KEL: variants seen among roughly 807,000 people sequenced by gnomAD.
The protein encoded by KEL is Kell metallo-endopeptidase (Kell blood group), also known as kell blood group glycoprotein.
A neutral mutation model predicts 99.5 loss-of-function variants in KEL; 96 were observed. The observed-to-expected ratio is 0.97, with a 90% CI of 0.82 to 1.14. KEL has a LOEUF of 1.14. Ranked by LOEUF, KEL falls within the 50% of genes most tolerant of loss-of-function variation. The pLI is 0.00. For synonymous variants in KEL, 355 were observed against 354.8 expected, an observed-to-expected ratio of 1.00 and a Z score of -0.01; for missense variants, 926 against 924.2, an observed-to-expected ratio of 1.00 and a Z score of -0.03.
chr7:142,942,427 T>C lies in KEL; in HGVS notation c.2037+7A>G. ...GCAAGCTGTGGCGGGAGGTGGCCGC[T>C]GCCTACCTGGGCATAGCTTCGAAAG... On this transcript the variant is annotated splice_region_variant and intron_variant, in intron 18 of 18. Coordinates refer to ENST00000355265, the MANE Select transcript of KEL (RefSeq NM_000420.3). 6.4e-7 allele frequency: 1 copy of C among 1,570,708 alleles called. No individual in the cohort carries two copies. Among genetic ancestry groups the C allele is most frequent in the South Asian group, 1.2e-5 (1 of 86,478 alleles).
intron 4 of KEL, 139 bp from the exon 5 acceptor site, chr7:142,958,567 G>T: frequency 1.3e-6 from 1 of 788,414 alleles, no homozygotes; most frequent in Non-Finnish European, 2.1e-6. Context: ...CATGTAACAT[G>T]ATTTACTTTC....
rs1796418734 is a variant in KEL, at chr7:142,943,319, G to A, written c.1728C>T (p.Gly576=). The A allele has an allele frequency of 1.2e-6, 2 of 1,614,102 alleles. No individual in the cohort carries two copies. Among genetic ancestry groups the A allele is most frequent in the Non-Finnish European group, 1.7e-6 (2 of 1,179,990 alleles). The change falls in exon 16 of 19, where the codon GGC becomes GGT. Residue 576 remains glycine (G), a synonymous_variant. Coordinates refer to ENST00000355265, the MANE Select transcript of KEL (RefSeq NM_000420.3). ...GCAACAGCTCGTGGGCCATGATGCT[G>A]CCAGCAGCGCCAAAGTTCACGGCTC... The part of the protein sequence containing the change: ...YPRAVNFGAA[G]SIMAHELLHI...
In KEL at chr7:142,943,876, A is replaced by C. The variant is rs1257285842; in HGVS notation, c.1499T>G (p.Leu500Arg). Residue 500 changes from leucine (L) to arginine (R), a missense_variant, in exon 14 of 19, where the codon CTT becomes CGT. By Grantham distance (102) the Leu-to-Arg change is moderately radical. Transcript: ENST00000355265. ...LARQEYNDIQ[L>R]GSSFLQSVLS... ...GACAGACTGCAGGAAGCTCGATCCA[A>C]GCTGTATCTGGGGAAGAGGCAGGAG... The C allele has an allele frequency of 2.5e-6, 4 of 1,614,024 alleles. No homozygotes were observed. Among genetic ancestry groups the C allele is most frequent in the Non-Finnish European group, 3.4e-6 (4 of 1,179,946 alleles).
chr7:142,961,805 C>T lies in KEL; in HGVS notation c.71G>A (p.Trp24Ter), dbSNP rs753369164. Reference protein sequence around the residue: ...RSQAGGMGTLWSQESTPEERL... With the variant: ...RSQAGGMGTL ...GAGGAGGCCACTTACCTCTTGGCTC[C>T]AGAGAGTTCCCATTCCACCTGCCTG... The change falls in exon 2 of 19, where the codon TGG becomes TAG. Residue 24 changes from tryptophan to a stop codon, truncating the protein, a stop_gained. Coordinates refer to ENST00000355265, the MANE Select transcript of KEL (RefSeq NM_000420.3). LOFTEE classifies it high-confidence loss of function. 6.2e-6 allele frequency: 10 copies of T among 1,614,038 alleles called. No homozygotes were observed. Among genetic ancestry groups the T allele is most frequent in the Non-Finnish European group, 8.5e-6 (10 of 1,179,934 alleles).
At chr7:142,960,024 C>T (rs1365736501) in intron 4 of KEL, among the ~76,000 whole-genome samples, 1 of 152,172 alleles carries the variant, frequency 6.6e-6, no homozygotes, top group Non-Finnish European at 1.5e-5. Context: ...CACCATCCAC[C>T]AACTTCCTGG....
intron 10 of KEL, among the ~76,000 whole-genome samples, chr7:142,948,909 C>CACACAG (rs1372659647): frequency 6.6e-6 from 1 of 151,884 alleles, no homozygotes; most frequent in Non-Finnish European, 1.5e-5. Context: ...GACACACACA[C>CACACAG]ACACACACAC....
At chr7:142,946,150 G>C in intron 11 of KEL, 57 bp downstream of exon 11, 1 of 1,230,368 alleles carries the variant, frequency 8.1e-7, no homozygotes, top group East Asian at 2.4e-5. Flanking sequence ...GAAGAGGGAA[G>C]GCTGCTTTGG....
At chr7:142,942,755 G>T (rs977918956) in intron 17 of KEL, 120 bp downstream of exon 17, 50 of 1,272,244 alleles carry the variant, frequency 3.9e-5, no homozygotes, top group Non-Finnish European at 5.4e-5. Context: ...ATTCAGTGGG[G>T]ATGCGAAGGG....
chr7:142,951,471 C>A (rs1280047260), intron 10 of KEL, among the ~76,000 whole-genome samples: 1 of 152,152 alleles, frequency 6.6e-6, no homozygotes, highest in Non-Finnish European at 1.5e-5. Context: ...ACAACACAGA[C>A]CCTGGAGCCA....
rs763976752 is a variant in KEL at position 142,942,860 on chromosome 7, T to C, written c.1941+15A>G. 1 of 1,614,110 alleles carries C rather than the reference T, an allele frequency of 6.2e-7. No individual in the cohort carries two copies. The highest frequency in any genetic ancestry group is 8.5e-7 in the Non-Finnish European group (1 of 1,179,958). On this transcript the variant is annotated intron_variant, in intron 17 of 18. Coordinates refer to ENST00000355265, the MANE Select transcript of KEL (RefSeq NM_000420.3). ...TGCCAGTACACATAAACTGTGGCCC[T>C]TGACACTTGCATACCTGCAGCGCGA...
intron 10 of KEL, among the ~76,000 whole-genome samples, chr7:142,950,857 C>CAGACTCCAAA (rs1796667453): frequency 6.6e-6 from 1 of 152,150 alleles, no homozygotes; most frequent in Admixed American, 6.5e-5. Flanking sequence ...TGAGCCAAAA[C>CAGACTCCAAA]ATCTGTTTTG....
rs150993188 is a variant in KEL at position 142,944,722 on chromosome 7, G to A, written c.1334C>T (p.Ala445Val). The A allele has an allele frequency of 7.9e-5, 127 of 1,613,796 alleles. No individual in the cohort carries two copies. Among genetic ancestry groups the A allele is most frequent in the Non-Finnish European group, 9.6e-5 (113 of 1,179,796 alleles). The change falls in exon 12 of 19, where the codon GCG becomes GTG. Residue 445 changes from alanine to valine, a missense_variant. Transcript: ENST00000355265. ...GCGAGTGATGAGGGCATCCCGGATC[G>A]CAGTGAATAATTTCATGGCCTGTGG... Reference protein sequence around the residue: ...TRSAAMKLFTAIRDALITRLR... With the variant: ...TRSAAMKLFTVIRDALITRLR...
Position 142,952,451 on chromosome 7 carries a change from C to G in KEL, c.1203+58G>C, listed in dbSNP as rs879017975. 1.0e-5 allele frequency: 16 copies of G among 1,604,652 alleles called. 1 individual carries two copies. The South Asian group carries it at 1.4e-4, about 14-fold the overall frequency. ...GAGAGAGATGCCGACATTTACCCCT[C>G]AAAAGAGTAGATACTCCTTTCGAGT... is the stretch of plus-strand genomic sequence containing the variant. On this transcript the variant is annotated intron_variant, in intron 10 of 18. Coordinates refer to ENST00000355265, the MANE Select transcript of KEL (RefSeq NM_000420.3).
chr7:142,943,225 C>G, intron 16 of KEL, 51 bp downstream of exon 16: 2 of 1,601,874 alleles, frequency 1.2e-6, no homozygotes, highest in Non-Finnish European at 1.7e-6. Flanking sequence ...CCCTTGTGGT[C>G]TTCCCTTAGG....
intron 3 of KEL, 24 bp from the exon 4 acceptor site, chr7:142,961,128 G>A: frequency 6.2e-7 from 1 of 1,612,384 alleles, no homozygotes. Context: ...CTCAGAGCTG[G>A]GAAAGAAGAG....
At chr7:142,944,190 C>T (rs536400048) in intron 13 of KEL, 133 bp downstream of exon 13, 69 of 806,056 alleles carry the variant, frequency 8.6e-5, no homozygotes, top group Middle Eastern at 2.2e-4. Flanking sequence ...CCCCATCAAC[C>T]CCAGCCAGCA....
chr7:142,956,296 C>G (rs1796828103), intron 6 of KEL, among the ~76,000 whole-genome samples: 1 of 152,074 alleles, frequency 6.6e-6, no homozygotes, highest in African/African-American at 2.4e-5. Flanking sequence ...CCATTTCTAC[C>G]TCTATCTCAG....
chr7:142,953,876 G>A lies in KEL; in HGVS notation c.1005C>T (p.Leu335=), dbSNP rs150622556. 1,285 of 1,614,160 alleles carry A rather than the reference G, an allele frequency of 8.0e-4. 9 individuals are homozygous for A. Among genetic ancestry groups the A allele is most frequent in the Middle Eastern group, 6.8e-3 (41 of 6,062 alleles). The change falls in exon 9 of 19, where the codon CTC becomes CTT. Residue 335 remains leucine, a synonymous_variant. Coordinates refer to ENST00000355265, the MANE Select transcript of KEL (RefSeq NM_000420.3). ...TCAAATATTCCACGTCATGGACCAC[G>A]AGGGACTGAGAAGGGCTCAGGGACA... ...TPMSLSPSQS[L]VVHDVEYLKN...
chr7:142,941,125 G>A lies in KEL; in HGVS notation c.*127C>T. On this transcript the variant is annotated 3_prime_UTR_variant, in exon 19 of 19. Transcript: ENST00000355265. Reference sequence around the variant, plus strand: ...GCAGGAACAAGTCATTAAGAGACAAGCGGAAGCCAAGTGCCAGCTTTTATT... The same window carrying A: ...GCAGGAACAAGTCATTAAGAGACAAACGGAAGCCAAGTGCCAGCTTTTATT... 1 of 1,010,996 alleles carries A rather than the reference G, an allele frequency of 9.9e-7. No homozygotes were observed. Among genetic ancestry groups the A allele is most frequent in the Non-Finnish European group, 1.5e-6 (1 of 653,594 alleles). The allele number at this position is 1,010,996 out of a possible 1,614,324, so 62.6% of individuals were successfully genotyped here.
Sources: gnomAD v4.1 joint callset for allele counts (sites outside exome capture counted in the v4.1 genomes callset) on GRCh38, gnomAD v4.1.1 for gene constraint, MANE v1.5 for transcripts, NCBI Gene and HGNC (gene_info 2026-07-23, HGNC 2026-07-21) for gene names.